The following MTUS2 variants were observed in gnomAD, a reference collection of about 807,000 sequenced individuals.
MTUS2 encodes the protein microtubule-associated tumor suppressor candidate 2.
In MTUS2, 40 loss-of-function variants were observed where a neutral mutation model predicts 114.1. That is an observed-to-expected ratio of 0.35 (90% CI 0.27 to 0.46). MTUS2 has a LOEUF of 0.46. Ranked by LOEUF, MTUS2 falls within the 20% of genes least tolerant of loss-of-function variation. The probability of loss-of-function intolerance (pLI) is 1.00; values close to 1 mark genes in which losing one functional copy is unlikely to be tolerated. For missense variants in MTUS2, 1,679 were observed against 1,705.4 expected (o/e 0.98, Z 0.27); for synonymous variants, 688 against 672.0 (o/e 1.02, Z -0.37).
chr13:29,219,413 A>T (rs1189270950), intron 5 of MTUS2, among the ~76,000 whole-genome samples: 1 of 151,386 alleles, frequency 6.6e-6, no homozygotes, highest in African/African-American at 2.4e-5. Context: ...TGCTATTGTG[A>T]ATAATGCCGC....
At chr13:29,419,023 G>A (rs1303726851) in intron 8 of MTUS2, among the ~76,000 whole-genome samples, 2 of 152,212 alleles carry the variant, frequency 1.3e-5, no homozygotes, top group Non-Finnish European at 2.9e-5. Context: ...TCTCTGTTTA[G>A]TGAGCCCAGA....
intron 6 of MTUS2, among the ~76,000 whole-genome samples, chr13:29,306,174 C>G (rs970682555): frequency 1.3e-5 from 2 of 152,108 alleles, no homozygotes; most frequent in Non-Finnish European, 2.9e-5. Flanking sequence ...AATGCACAGT[C>G]AATATCCTAC....
In MTUS2 at chr13:29,464,403, T is replaced by A. The variant is rs141615169; in HGVS notation, c.3185-15747T>A. Reference sequence around the variant, plus strand: ...GGAGAGAGAACAGGAAGATCTAGAATTCAGACATGTAGGAGAGTCAGTGTG... The same window carrying A: ...GGAGAGAGAACAGGAAGATCTAGAAATCAGACATGTAGGAGAGTCAGTGTG... On this transcript the variant is annotated intron_variant, in intron 9 of 15. Coordinates refer to ENST00000612955, the MANE Select transcript of MTUS2 (RefSeq NM_001033602.4). Among the ~76,000 whole-genome samples the A allele has an allele frequency of 2.6e-5, 4 of 152,368 alleles. No individual in the cohort carries two copies. The South Asian group carries it at 6.2e-4, about 24-fold the overall frequency.
At chr13:29,415,500 C>T (rs887037387) in intron 8 of MTUS2, among the ~76,000 whole-genome samples, 10 of 152,146 alleles carry the variant, frequency 6.6e-5, no homozygotes, top group Non-Finnish European at 1.3e-4. Context: ...AATCCTTATT[C>T]GTTGGATATC....
intron 1 of MTUS2, among the ~76,000 whole-genome samples, chr13:28,829,245 G>C (rs1332568054): frequency 2.0e-5 from 3 of 152,138 alleles, no homozygotes; most frequent in African/African-American, 4.8e-5. Flanking sequence ...AATAGCCTAA[G>C]TCAGGCACAG....
chr13:29,173,932 A>G (rs906242801), intron 5 of MTUS2, among the ~76,000 whole-genome samples: 1 of 152,102 alleles, frequency 6.6e-6, no homozygotes, highest in Admixed American at 6.6e-5. Flanking sequence ...TCTCCTCCCT[A>G]TATGAATATT....
intron 8 of MTUS2, among the ~76,000 whole-genome samples, chr13:29,376,595 CA>C (rs980894566): frequency 2.6e-5 from 4 of 151,992 alleles, no homozygotes; most frequent in African/African-American, 9.7e-5. Flanking sequence ...TGATTTCAAC[CA>C]GGGGTGACAC....
chr13:29,186,636 T>C (rs1894235678), intron 5 of MTUS2, among the ~76,000 whole-genome samples: 1 of 152,210 alleles, frequency 6.6e-6, no homozygotes, highest in Non-Finnish European at 1.5e-5. Flanking sequence ...GCAAAAATTG[T>C]CATAATTGAA....
intron 1 of MTUS2, among the ~76,000 whole-genome samples, chr13:28,828,099 C>T (rs1273823365): frequency 6.6e-6 from 1 of 152,120 alleles, no homozygotes; most frequent in African/African-American, 2.4e-5. Flanking sequence ...GACAGACGTT[C>T]CCAAAGTGGC....
chr13:29,366,712 G>A, intron 8 of MTUS2, among the ~76,000 whole-genome samples: 1 of 152,184 alleles, frequency 6.6e-6, no homozygotes, highest in Non-Finnish European at 1.5e-5. Context: ...TGAATCATGA[G>A]TCTGTTTCTA....
intron 2 of MTUS2, among the ~76,000 whole-genome samples, chr13:28,953,448 G>A (rs537549900): frequency 6.6e-6 from 1 of 152,278 alleles, no homozygotes; most frequent in African/African-American, 2.4e-5. Flanking sequence ...CGTGGAGGTT[G>A]CAGTGAGCCG....
chr13:29,059,228 A>ATTTTTTTTTTTTTTTTTTTTTTGTTT (rs35369352), intron 4 of MTUS2, among the ~76,000 whole-genome samples: 1 of 97,128 alleles, frequency 1.0e-5, no homozygotes, highest in Non-Finnish European at 1.9e-5. Flanking sequence ...TATTCTTTGG[A>ATTTTTTTTTTTTTTTTTTTTTTGTTT]TTTTTTTTTT....
intron 10 of MTUS2, chr13:29,484,376 T>A (rs969778443): frequency 1.3e-5 from 2 of 152,256 alleles, no homozygotes; most frequent in African/African-American, 4.8e-5. Context: ...TAGAAAGAGA[T>A]CCCTGGGGGC....
At chr13:29,154,987 C>T (rs369414561) in intron 5 of MTUS2, among the ~76,000 whole-genome samples, 10 of 152,106 alleles carry the variant, frequency 6.6e-5, no homozygotes, top group African/African-American at 2.4e-4. Context: ...TAACTGATGC[C>T]GCCTCGGCTG....
intron 8 of MTUS2, among the ~76,000 whole-genome samples, chr13:29,381,879 G>T (rs1286119575): frequency 6.6e-6 from 1 of 152,144 alleles, no homozygotes; most frequent in Admixed American, 6.5e-5. Context: ...AGAATATAAT[G>T]AGGGTGACGT....
chr13:29,015,647 T>C (rs1028602857), intron 2 of MTUS2, among the ~76,000 whole-genome samples: 28 of 152,158 alleles, frequency 1.8e-4, no homozygotes, highest in Non-Finnish European at 3.8e-4. Flanking sequence ...TGATTTTCTG[T>C]GAAAAGTTAT....
chr13:29,181,072 TC>T (rs754386701), intron 5 of MTUS2, among the ~76,000 whole-genome samples: 17 of 152,218 alleles, frequency 1.1e-4, no homozygotes, highest in East Asian at 5.8e-4. Context: ...TGGCAATTCT[TC>T]CCCTTTTCGC....
intron 2 of MTUS2, among the ~76,000 whole-genome samples, chr13:28,970,642 T>C (rs568301837): frequency 7.0e-4 from 106 of 152,338 alleles, no homozygotes; most frequent in African/African-American, 2.5e-3. Context: ...TGTGAAACAA[T>C]ATCTTTTATG....
intron 2 of MTUS2, among the ~76,000 whole-genome samples, chr13:28,852,328 A>G (rs1328365173): frequency 6.6e-6 from 1 of 152,060 alleles, no homozygotes; most frequent in Non-Finnish European, 1.5e-5. Flanking sequence ...GGATGACTGT[A>G]TGGCTCTTAT....
Sources: allele counts gnomAD v4.1 joint callset (sites outside exome capture counted in the v4.1 genomes callset), GRCh38; gene constraint gnomAD v4.1.1; transcripts MANE v1.5; gene names NCBI Gene and HGNC (gene_info 2026-07-23, HGNC 2026-07-21).